PTPRT: variants seen among roughly 807,000 people sequenced by gnomAD.
PTPRT encodes the protein protein tyrosine phosphatase receptor type T.
In PTPRT, 56 loss-of-function variants were observed where a neutral mutation model predicts 176.8. The observed-to-expected ratio is 0.32, with a 90% CI of 0.26 to 0.40. The LOEUF (loss-of-function observed/expected upper bound fraction) is 0.40, where lower values mean the gene tolerates loss of function less well. PTPRT is among the 10% of genes least tolerant of loss of function. PTPRT has a pLI of 1.00. For missense variants in PTPRT, 1,540 were observed against 1,908.2 expected (o/e 0.81, Z 3.60); for synonymous variants, 783 against 739.0 (o/e 1.06, Z -0.96).
chr20:42,295,133 C>T (rs2057370099), intron 12 of PTPRT, among the ~76,000 whole-genome samples: 1 of 152,108 alleles, frequency 6.6e-6, no homozygotes, highest in South Asian at 2.1e-4. Context: ...GTGCACAGTA[C>T]CCTGGGGAAA....
At chr20:42,722,138 T>C (rs2076313274) in intron 6 of PTPRT, among the ~76,000 whole-genome samples, 1 of 152,160 alleles carries the variant, frequency 6.6e-6, no homozygotes, top group South Asian at 2.1e-4. Flanking sequence ...CTCTGCACAT[T>C]CTTCTCACCA....
At chr20:42,872,610 G>A (rs770620035) in intron 2 of PTPRT, among the ~76,000 whole-genome samples, 83 of 152,182 alleles carry the variant, frequency 5.5e-4, no homozygotes, top group Non-Finnish European at 1.0e-3. Context: ...TTTTATAAAT[G>A]TATCACTAAA....
At position 42,226,768 on chromosome 20, in the gene PTPRT, C is replaced by T. The variant is rs61028828; in HGVS notation, c.2342+9461G>A. On this transcript the variant is annotated intron_variant, in intron 15 of 30. Coordinates refer to ENST00000373187, the MANE Select transcript of PTPRT (RefSeq NM_007050.6). Reference sequence around the variant, plus strand: ...GCTGGGCACTTCTGACCCTGGTTCTCTCCTCTGGCTGGATCAGCAAAAGGG... The same window carrying T: ...GCTGGGCACTTCTGACCCTGGTTCTTTCCTCTGGCTGGATCAGCAAAAGGG... Among the ~76,000 whole-genome samples, 496 of 152,190 alleles carry T rather than the reference C, an allele frequency of 3.3e-3. 3 individuals are homozygous for T. Among genetic ancestry groups the T allele is most frequent in the African/African-American group, 0.011 (475 of 41,542 alleles).
chr20:42,294,082 AT>A (rs1488111690), intron 12 of PTPRT, among the ~76,000 whole-genome samples: 2 of 152,240 alleles, frequency 1.3e-5, no homozygotes, highest in Non-Finnish European at 2.9e-5. Flanking sequence ...TAAATGAAAT[AT>A]CTCTAAAGCT....
intron 1 of PTPRT, among the ~76,000 whole-genome samples, chr20:42,967,324 G>T (rs1982355919): frequency 6.6e-6 from 1 of 152,174 alleles, no homozygotes; most frequent in Non-Finnish European, 1.5e-5. Flanking sequence ...ATTGAGATGA[G>T]ATCATCCTGG....
chr20:42,179,539 C>T (rs1176832507), intron 16 of PTPRT, among the ~76,000 whole-genome samples: 3 of 152,138 alleles, frequency 2.0e-5, no homozygotes, highest in Non-Finnish European at 2.9e-5. Flanking sequence ...AGTAATAAAA[C>T]GCTAATTAAG....
chr20:42,638,501 T>C (rs1341703823), intron 7 of PTPRT, among the ~76,000 whole-genome samples: 2 of 152,086 alleles, frequency 1.3e-5, no homozygotes, highest in Admixed American at 6.6e-5. Context: ...AAGTCTAAAG[T>C]TGGGCCCAAC....
chr20:42,483,536 G>A (rs922380680), intron 7 of PTPRT, among the ~76,000 whole-genome samples: 4 of 152,152 alleles, frequency 2.6e-5, no homozygotes, highest in Admixed American at 2.6e-4. Context: ...AGCTTCTCTC[G>A]CCCAGTTGGG....
At chr20:42,052,605 T>A in the PTPRT span, among the ~76,000 whole-genome samples, 1 of 152,188 alleles carries the variant, frequency 6.6e-6, no homozygotes, top group African/African-American at 2.4e-5. Flanking sequence ...CATCTCTGTG[T>A]ATGCCGTTGG....
At chr20:43,163,212 C>T (rs1272897030) in intron 1 of PTPRT, among the ~76,000 whole-genome samples, 2 of 152,232 alleles carry the variant, frequency 1.3e-5, no homozygotes, top group African/African-American at 4.8e-5. Context: ...CAATGAAATG[C>T]ACAGAGTGCT....
intron 1 of PTPRT, among the ~76,000 whole-genome samples, chr20:43,142,374 C>A (rs2014039686): frequency 6.6e-6 from 1 of 152,228 alleles, no homozygotes; most frequent in African/African-American, 2.4e-5. Flanking sequence ...TTGAAGATGG[C>A]AGAACTGCAT....
At chr20:42,865,089 A>G (rs977457673) in intron 2 of PTPRT, among the ~76,000 whole-genome samples, 2 of 152,218 alleles carry the variant, frequency 1.3e-5, no homozygotes, top group African/African-American at 4.8e-5. Flanking sequence ...GACTCTCTTC[A>G]TTCCTGTATT....
rs763331537 is a variant in PTPRT at position 42,315,953 on chromosome 20, G to A, written c.1909C>T (p.Arg637Trp). 5.6e-6 allele frequency: 9 copies of A among 1,614,064 alleles called. No homozygotes were observed. The highest frequency in any genetic ancestry group is 5.1e-6 in the Non-Finnish European group (6 of 1,179,980). ...VVKEERLQKS[R>W]RAADIIECFS... ...CACTCAATAATGTCAGCTGCCCTCC[G>A]TGACTTCTGAAGTCGCTCCTCCTTG... Residue 637 changes from arginine to tryptophan, a missense_variant, in exon 12 of 31, where the codon CGG becomes TGG. By Grantham distance (101) the Arg-to-Trp change is moderately radical. This residue lies in a region of PTPRT where 81 missense variants were observed against 89.9 expected (regional missense o/e 0.90). Coordinates refer to ENST00000373187, the MANE Select transcript of PTPRT (RefSeq NM_007050.6).
chr20:42,930,335 C>T (rs1049506891), intron 1 of PTPRT, among the ~76,000 whole-genome samples: 1 of 152,146 alleles, frequency 6.6e-6, no homozygotes, highest in Admixed American at 6.5e-5. Context: ...AAGATTTGGG[C>T]CCCTGGACAT....
At chr20:42,634,052 T>A (rs531482034) in intron 7 of PTPRT, among the ~76,000 whole-genome samples, 2,611 of 34,694 alleles carry the variant, frequency 0.075, 419 homozygotes, top group African/African-American at 0.3. Flanking sequence ...TATATATATA[T>A]TATAAATATA....
chr20:43,146,812 GC>G (rs1203112717), intron 1 of PTPRT, among the ~76,000 whole-genome samples: 2 of 152,086 alleles, frequency 1.3e-5, no homozygotes, highest in Non-Finnish European at 2.9e-5. Context: ...TTCCAGAGCT[GC>G]CCCTGTGGAC....
chr20:42,611,125 T>C (rs2073968803), intron 7 of PTPRT, among the ~76,000 whole-genome samples: 1 of 152,204 alleles, frequency 6.6e-6, no homozygotes, highest in Non-Finnish European at 1.5e-5. Context: ...ACTACTGCTA[T>C]GAGCATTCAT....
chr20:42,338,885 T>A (rs1240714588), intron 11 of PTPRT, among the ~76,000 whole-genome samples: 1 of 152,162 alleles, frequency 6.6e-6, no homozygotes, highest in Non-Finnish European at 1.5e-5. Flanking sequence ...ACCTTCATTT[T>A]TTCTCTCTTC....
chr20:42,525,871 G>A (rs1333306578), intron 7 of PTPRT, among the ~76,000 whole-genome samples: 2 of 152,154 alleles, frequency 1.3e-5, no homozygotes, highest in Non-Finnish European at 2.9e-5. Context: ...CTGAAATTGT[G>A]TGTTTATATT....
Sources: allele counts gnomAD v4.1 joint callset (sites outside exome capture counted in the v4.1 genomes callset), GRCh38; gene constraint gnomAD v4.1.1; regional missense constraint gnomAD v4.1.1; transcripts MANE v1.5; gene names NCBI Gene and HGNC (gene_info 2026-07-23, HGNC 2026-07-21).